ARFGAP3: variants seen among roughly 807,000 people sequenced by gnomAD.
ARFGAP3 encodes the protein ADP-ribosylation factor GTPase-activating protein 3.
ARFGAP3 carries 72 observed loss-of-function variants against 75.0 expected under a neutral mutation model. The ratio of observed to expected loss-of-function variants is 0.96; its 90% confidence interval spans 0.79 to 1.17. ARFGAP3 has a LOEUF of 1.17. Among genes scored for constraint, ARFGAP3 ranks in the 50% most tolerant of loss-of-function variants. ARFGAP3 has a pLI of 0.00. For missense variants in ARFGAP3, 620 were observed against 626.6 expected, an observed-to-expected ratio of 0.99 and a Z score of 0.11; for synonymous variants, 221 against 217.9, an observed-to-expected ratio of 1.01 and a Z score of -0.13.
intron 5 of ARFGAP3, among the ~76,000 whole-genome samples, chr22:42,832,578 T>C (rs1466852154): frequency 6.6e-6 from 1 of 150,800 alleles, no homozygotes; most frequent in Non-Finnish European, 1.5e-5. Flanking sequence ...AAAGAATAGA[T>C]TGAGCAAGAG....
chr22:42,834,910 C>G (rs1316347329), intron 4 of ARFGAP3, among the ~76,000 whole-genome samples: 1 of 152,180 alleles, frequency 6.6e-6, no homozygotes, highest in African/African-American at 2.4e-5. Context: ...AAGTGCAGTA[C>G]TGAAGGGCTA....
At chr22:42,841,660 T>C (rs1926786318) in intron 2 of ARFGAP3, among the ~76,000 whole-genome samples, 1 of 152,142 alleles carries the variant, frequency 6.6e-6, no homozygotes, top group African/African-American at 2.4e-5. Flanking sequence ...GTTAGAATCT[T>C]TATACTGAAT....
intron 2 of ARFGAP3, among the ~76,000 whole-genome samples, chr22:42,844,298 T>C (rs900721852): frequency 6.6e-6 from 1 of 151,860 alleles, no homozygotes; most frequent in African/African-American, 2.4e-5. Context: ...CAAACTCCCA[T>C]GCTCGGCTAG....
Position 42,835,505 on chromosome 22 carries a change from A to G in ARFGAP3, c.262-12T>C. The G allele has an allele frequency of 6.2e-7, 1 of 1,613,274 alleles. No homozygotes were observed. The highest frequency in any genetic ancestry group is 8.5e-7 in the Non-Finnish European group (1 of 1,179,464). On this transcript the variant is annotated splice_polypyrimidine_tract_variant and intron_variant, in intron 3 of 15. Coordinates refer to ENST00000263245, the MANE Select transcript of ARFGAP3 (RefSeq NM_014570.5). ...TGAAAAAAGGAAGACTACAGAGAAAAGCATGCACATTAATATTTTCGTAAA... is the reference window on the plus strand; with the variant it reads ...TGAAAAAAGGAAGACTACAGAGAAAGGCATGCACATTAATATTTTCGTAAA...
rs1215611072 is a variant in ARFGAP3 at position 42,857,242 on chromosome 22, G to C, written c.-60C>G. ...CAACCGGTAAGAGTCGACGAAAAGC[G>C]GCTACCGCCTCAGCAGGAGCGACGA... On this transcript the variant is annotated 5_prime_UTR_variant, in exon 1 of 16. Transcript: ENST00000263245. 8 of 1,487,352 alleles carry C rather than the reference G, an allele frequency of 5.4e-6. No homozygotes were observed. The highest frequency in any genetic ancestry group is 5.1e-5 in the South Asian group (4 of 78,992). 92.1% of individuals were successfully genotyped at this position (1,487,352 alleles called of 1,614,324 possible). A position where few individuals can be genotyped will look rare whatever the true frequency, so the allele number is the denominator to read the frequency against.
intron 9 of ARFGAP3, among the ~76,000 whole-genome samples, chr22:42,818,967 C>T (rs1214518469): frequency 6.6e-6 from 1 of 151,504 alleles, no homozygotes; most frequent in African/African-American, 2.4e-5. Context: ...CACCTGCCAC[C>T]ATATCCAGCT....
In ARFGAP3 at chr22:42,808,863, A is replaced by G; in HGVS notation, c.1224T>C (p.Tyr408=). The G allele has an allele frequency of 1.9e-6, 3 of 1,613,218 alleles. No individual in the cohort carries two copies. Among genetic ancestry groups the G allele is most frequent in the Non-Finnish European group, 2.5e-6 (3 of 1,179,494 alleles). The stretch of plus-strand genomic sequence containing the variant: ...CCTCATCTGTATTTTCAACTGGCTC[A>G]TAATCTGGCTTGCGGCGAGCAGTAG... The part of the protein sequence containing the change: ...DRPTARRKPD[Y]EPVENTDEAQ... Residue 408 remains tyrosine, a synonymous_variant, in exon 13 of 16, where the codon TAT becomes TAC. Transcript: ENST00000263245.
intron 15 of ARFGAP3, among the ~76,000 whole-genome samples, chr22:42,798,481 T>A (rs1331970538): frequency 1.3e-5 from 2 of 151,696 alleles, no homozygotes; most frequent in Non-Finnish European, 2.9e-5. Flanking sequence ...TGGCCTCGAC[T>A]CTCATGCGCA....
At chr22:42,852,921 T>C (rs778679265) in intron 1 of ARFGAP3, among the ~76,000 whole-genome samples, 124 of 152,074 alleles carry the variant, frequency 8.2e-4, no homozygotes, top group Non-Finnish European at 1.7e-3. Flanking sequence ...CTCGCCATCA[T>C]GCCCAGCTAA....
At chr22:42,803,751 G>A (rs1330999714) in intron 14 of ARFGAP3, among the ~76,000 whole-genome samples, 1 of 152,184 alleles carries the variant, frequency 6.6e-6, no homozygotes, top group Non-Finnish European at 1.5e-5. Flanking sequence ...GTGAAAGAGA[G>A]TGCCCGTAAG....
intron 14 of ARFGAP3, among the ~76,000 whole-genome samples, chr22:42,802,822 C>T (rs185442392): frequency 8.8e-4 from 132 of 149,158 alleles, no homozygotes; most frequent in Non-Finnish European, 1.1e-3. Flanking sequence ...AGGATGGTCT[C>T]GATCTCCTGA....
At chr22:42,802,248 G>C (rs1214168933) in intron 14 of ARFGAP3, among the ~76,000 whole-genome samples, 2 of 151,850 alleles carry the variant, frequency 1.3e-5, no homozygotes, top group African/African-American at 4.8e-5. Context: ...CGTGGGAGGT[G>C]GAAGTTTCCA....
At chr22:42,797,789 T>G (rs1602083919) in intron 15 of ARFGAP3, 184 bp from the exon 16 acceptor site, 1 of 972,238 alleles carries the variant, frequency 1.0e-6, no homozygotes, top group Non-Finnish European at 1.2e-6. Flanking sequence ...AGGCTGAGGG[T>G]AGGTGTGGGC....
At chr22:42,804,947 CTT>C (rs1230801221) in intron 14 of ARFGAP3, among the ~76,000 whole-genome samples, 5 of 152,084 alleles carry the variant, frequency 3.3e-5, no homozygotes, top group Admixed American at 2.0e-4. Flanking sequence ...ACACAAAGCT[CTT>C]TGTTGAAATA....
At chr22:42,844,621 A>C (rs1273079743) in intron 2 of ARFGAP3, among the ~76,000 whole-genome samples, 1 of 151,892 alleles carries the variant, frequency 6.6e-6, no homozygotes, top group African/African-American at 2.4e-5. Flanking sequence ...AAAACCCAAA[A>C]AACTCCCAAG....
rs1924620202 is a variant in ARFGAP3, at chr22:42,796,718, T to C, written c.*870A>G. On this transcript the variant is annotated 3_prime_UTR_variant, in exon 16 of 16. Coordinates refer to ENST00000263245, the MANE Select transcript of ARFGAP3 (RefSeq NM_014570.5). ...TTTTTCTTTATTTGTTTATACACAT[T>C]CGGTAATTTCTGAAAAGCAAGATTT... The C allele has an allele frequency of 6.6e-6, 1 of 152,248 alleles. No homozygotes were observed. The highest frequency in any genetic ancestry group is 6.5e-5 in the Admixed American group (1 of 15,292). 9.4% of individuals were successfully genotyped at this position (152,248 alleles called of 1,614,324 possible).
intron 14 of ARFGAP3, among the ~76,000 whole-genome samples, chr22:42,803,715 G>A (rs989676624): frequency 6.6e-6 from 1 of 152,100 alleles, no homozygotes; most frequent in African/African-American, 2.4e-5. Context: ...ACTTACATGC[G>A]CTTCCCACTC....
At position 42,834,232 on chromosome 22, in the gene ARFGAP3, T is replaced by A; in HGVS notation, c.477+10A>T. The A allele has an allele frequency of 6.2e-7, 1 of 1,611,972 alleles. No individual in the cohort carries two copies. ...GCACACTTTAAAATGATGTGAAGCA[T>A]AATACATACCTCAGGAGAAACGTGA... On this transcript the variant is annotated intron_variant, in intron 5 of 15. Coordinates refer to ENST00000263245, the MANE Select transcript of ARFGAP3 (RefSeq NM_014570.5).
At chr22:42,842,009 G>A (rs1926801254) in intron 2 of ARFGAP3, among the ~76,000 whole-genome samples, 1 of 131,960 alleles carries the variant, frequency 7.6e-6, no homozygotes, top group Non-Finnish European at 1.5e-5. Context: ...TACCATGCCG[G>A]GCTTTTTTTT....
Sources: allele counts gnomAD v4.1 joint callset (sites outside exome capture counted in the v4.1 genomes callset), GRCh38; gene constraint gnomAD v4.1.1; transcripts MANE v1.5; gene names NCBI Gene and HGNC (gene_info 2026-07-23, HGNC 2026-07-21).